The following HS6ST3 variants were observed in gnomAD, a reference collection of about 807,000 sequenced individuals.
HS6ST3 encodes the protein heparan sulfate 6-O-sulfotransferase 3, also known as heparan-sulfate 6-O-sulfotransferase 3.
In HS6ST3, 12 loss-of-function variants were observed where a neutral mutation model predicts 36.7. The ratio of observed to expected loss-of-function variants is 0.33; its 90% CI spans 0.21 to 0.53. The LOEUF (loss-of-function observed/expected upper bound fraction) is 0.53. Among genes scored for constraint, HS6ST3 ranks in the 20% least tolerant of loss-of-function variants. The pLI, the probability that HS6ST3 is intolerant of heterozygous loss-of-function variation, is 0.95. For missense variants in HS6ST3, 584 were observed against 640.9 expected, an observed-to-expected ratio of 0.91 and a Z score of 0.96; for synonymous variants, 240 against 257.5, an observed-to-expected ratio of 0.93 and a Z score of 0.65.
chr13:96,733,379 T>C (rs545848877), intron 1 of HS6ST3, among the ~76,000 whole-genome samples: 62 of 152,370 alleles, frequency 4.1e-4, no homozygotes, highest in African/African-American at 1.4e-3. Context: ...TCTATATCTA[T>C]TAAAATGATT....
chr13:96,211,680 AT>A (rs1481652691), intron 1 of HS6ST3, among the ~76,000 whole-genome samples: 2 of 152,340 alleles, frequency 1.3e-5, no homozygotes, highest in East Asian at 3.9e-4. Flanking sequence ...AAAAAAGACA[AT>A]AAAGAGGATG....
intron 1 of HS6ST3, among the ~76,000 whole-genome samples, chr13:96,134,190 T>C (rs941580780): frequency 5.9e-5 from 9 of 152,176 alleles, no homozygotes; most frequent in Admixed American, 2.6e-4. Flanking sequence ...CATTTACTTT[T>C]GTTGTTCTTT....
intron 1 of HS6ST3, among the ~76,000 whole-genome samples, chr13:96,795,807 T>A (rs1238212207): frequency 8.5e-5 from 13 of 152,116 alleles, no homozygotes; most frequent in Non-Finnish European, 2.9e-5. Context: ...GCAACAAGCA[T>A]CTGTCTGAAT....
At chr13:96,625,587 T>A (rs958047218) in intron 1 of HS6ST3, among the ~76,000 whole-genome samples, 19 of 152,280 alleles carry the variant, frequency 1.2e-4, no homozygotes, top group South Asian at 8.3e-4. Context: ...ACACTTTAAA[T>A]TATTATATTT....
chr13:96,259,765 C>T (rs1005847177), intron 1 of HS6ST3, among the ~76,000 whole-genome samples: 4 of 152,138 alleles, frequency 2.6e-5, no homozygotes, highest in Middle Eastern at 3.4e-3. Context: ...CCTTTTTCTA[C>T]CTGTTGTTGT....
At chr13:96,788,084 G>T (rs764343470) in intron 1 of HS6ST3, among the ~76,000 whole-genome samples, 1 of 151,610 alleles carries the variant, frequency 6.6e-6, no homozygotes, top group South Asian at 2.1e-4. Flanking sequence ...TCTATTTCTG[G>T]GTTCTATGTT....
At chr13:96,206,274 C>T (rs2054369893) in intron 1 of HS6ST3, among the ~76,000 whole-genome samples, 1 of 152,088 alleles carries the variant, frequency 6.6e-6, no homozygotes, top group Non-Finnish European at 1.5e-5. Flanking sequence ...AGAACCTCTT[C>T]AAGGAGAGCT....
chr13:96,342,086 A>C (rs2055133498), intron 1 of HS6ST3, among the ~76,000 whole-genome samples: 1 of 149,750 alleles, frequency 6.7e-6, no homozygotes, highest in African/African-American at 2.5e-5. Context: ...CCCCTCCACA[A>C]AAAAAAAAGT....
At chr13:96,783,370 T>C (rs1877571062) in intron 1 of HS6ST3, among the ~76,000 whole-genome samples, 1 of 152,176 alleles carries the variant, frequency 6.6e-6, no homozygotes. Context: ...GGCTGAATTT[T>C]TTTTATTTTT....
chr13:96,727,766 A>G (rs559083398), intron 1 of HS6ST3, among the ~76,000 whole-genome samples: 2 of 152,290 alleles, frequency 1.3e-5, no homozygotes, highest in Admixed American at 1.3e-4. Context: ...TTAATAAATT[A>G]CTTTGTACTT....
intron 1 of HS6ST3, among the ~76,000 whole-genome samples, chr13:96,800,003 T>TATATAC (rs1878027135): frequency 1.6e-5 from 2 of 121,796 alleles, no homozygotes; most frequent in Non-Finnish European, 3.4e-5. Context: ...TATATGTATA[T>TATATAC]ATATATATAT....
intron 1 of HS6ST3, among the ~76,000 whole-genome samples, chr13:96,285,492 A>T (rs1204565025): frequency 6.6e-6 from 1 of 152,132 alleles, no homozygotes; most frequent in African/African-American, 2.4e-5. Flanking sequence ...AGCTGTACAG[A>T]ATAGGGAATT....
At chr13:96,126,537 G>T (rs573498953) in intron 1 of HS6ST3, among the ~76,000 whole-genome samples, 3 of 152,302 alleles carry the variant, frequency 2.0e-5, no homozygotes, top group Admixed American at 6.5e-5. Flanking sequence ...AAAAGGGGCT[G>T]TCTGCAAAGA....
chr13:96,673,831 T>C (rs955154626), intron 1 of HS6ST3, among the ~76,000 whole-genome samples: 3 of 152,172 alleles, frequency 2.0e-5, no homozygotes, highest in African/African-American at 7.2e-5. Flanking sequence ...ACAGTATTTT[T>C]TCATTTCTTA....
chr13:96,832,448 A>C (rs1878822261), intron 1 of HS6ST3, 42 bp from the exon 2 acceptor site: 2 of 1,410,406 alleles, frequency 1.4e-6, no homozygotes, highest in Non-Finnish European at 1.9e-6. Context: ...ACCTCCTGTT[A>C]GAGTTGTCAA....
At chr13:96,826,762 G>A (rs1436834600) in intron 1 of HS6ST3, among the ~76,000 whole-genome samples, 1 of 152,224 alleles carries the variant, frequency 6.6e-6, no homozygotes, top group Admixed American at 6.5e-5. Context: ...GATACTAAAA[G>A]TGGTTTGAAA....
At chr13:96,421,771 A>G (rs1267857075) in intron 1 of HS6ST3, among the ~76,000 whole-genome samples, 1 of 152,222 alleles carries the variant, frequency 6.6e-6, no homozygotes, top group Non-Finnish European at 1.5e-5. Flanking sequence ...GTAAAACAGT[A>G]CACATATTGT....
intron 1 of HS6ST3, among the ~76,000 whole-genome samples, chr13:96,284,959 CTT>C (rs2139395822): frequency 7.0e-6 from 1 of 143,594 alleles, no homozygotes; most frequent in East Asian, 2.0e-4. Flanking sequence ...TTCTTTCTTT[CTT>C]TCTTTCTTTC....
chr13:96,436,805 T>G (rs1410439039), intron 1 of HS6ST3, among the ~76,000 whole-genome samples: 2 of 152,176 alleles, frequency 1.3e-5, no homozygotes. Flanking sequence ...TTCAAAACTG[T>G]AAGACAATAA....
Sources: allele counts gnomAD v4.1 joint callset (sites outside exome capture counted in the v4.1 genomes callset), GRCh38; gene constraint gnomAD v4.1.1; transcripts MANE v1.5; gene names NCBI Gene and HGNC (gene_info 2026-07-23, HGNC 2026-07-21).